UGT2A1: variants seen among roughly 807,000 people sequenced by gnomAD.
UGT2A1 encodes UDP glucuronosyltransferase family 2 member A1 complex locus.
In UGT2A1, 61 loss-of-function variants were observed where a neutral mutation model predicts 45.4. The ratio of observed to expected loss-of-function variants is 1.34; its 90% CI spans 1.09 to 1.66. The LOEUF (loss-of-function observed/expected upper bound fraction) is 1.66. UGT2A1 is among the 40% of genes most tolerant of loss of function. UGT2A1 has a pLI of 0.00. For synonymous variants in UGT2A1, 229 were observed against 196.2 expected, an observed-to-expected ratio of 1.17 and a Z score of -1.40; for missense variants, 649 against 574.3, an observed-to-expected ratio of 1.13 and a Z score of -1.33.
chr4:69,622,252 T>C (rs1289988999), intron 3 of UGT2A1, among the ~76,000 whole-genome samples: 1 of 151,566 alleles, frequency 6.6e-6, no homozygotes, highest in Non-Finnish European at 1.5e-5. Flanking sequence ...CCAAAACATA[T>C]GTCAAAATAC....
chr4:69,607,691 A>G, intron 3 of UGT2A1, among the ~76,000 whole-genome samples: 1 of 152,252 alleles, frequency 6.6e-6, no homozygotes, highest in Non-Finnish European at 1.5e-5. Context: ...GCTAATATCC[A>G]GAATCTACAA....
chr4:69,630,956 A>G (rs1721347186), intron 3 of UGT2A1, among the ~76,000 whole-genome samples: 1 of 152,132 alleles, frequency 6.6e-6, no homozygotes, highest in Non-Finnish European at 1.5e-5. Flanking sequence ...AGTTAACAAT[A>G]CTACTTAAAT....
At position 69,631,468 on chromosome 4, in the gene UGT2A1, G is replaced by A. The variant is rs537969529; in HGVS notation, c.847+4223C>T. On this transcript the variant is annotated intron_variant, in intron 3 of 6. Coordinates refer to ENST00000286604, the MANE Select transcript of UGT2A1 (RefSeq NM_001252275.3). ...AACTAAACTGAAGATTATAGCACAAGAAAGTAGGCTGTCAACAGATTTACT... is the reference window on the plus strand; with the variant it reads ...AACTAAACTGAAGATTATAGCACAAAAAAGTAGGCTGTCAACAGATTTACT... Among the ~76,000 whole-genome samples the A allele has an allele frequency of 1.8e-4, 27 of 152,202 alleles. No individual in the cohort carries two copies. The South Asian group carries it at 5.6e-3, about 32-fold the overall frequency.
chr4:69,595,238 T>A lies in UGT2A1; in HGVS notation c.1008A>T (p.Arg336Ser). 6.2e-7 allele frequency: 1 copy of A among 1,613,770 alleles called. No homozygotes were observed. The highest frequency in any genetic ancestry group is 1.3e-5 in the African/African-American group (1 of 75,024). ...PAKPLPKVLW[R>S]YKGKKPATLG... ...ATGTGGCTGGTTTCTTTCCTTTGTATCTCCATAAAACCTGTGGAAAATGGT... is the reference window on the plus strand; with the variant it reads ...ATGTGGCTGGTTTCTTTCCTTTGTAACTCCATAAAACCTGTGGAAAATGGT... The change falls in exon 5 of 7, where the codon AGA (arginine) becomes AGT (serine). Residue 336 changes from arginine (R) to serine (S), a missense_variant. By Grantham distance (110) the Arg-to-Ser change is moderately radical. Transcript: ENST00000286604.
intron 4 of UGT2A1, 140 bp downstream of exon 4, chr4:69,599,106 T>C (rs1035383422): frequency 7.8e-7 from 1 of 1,284,364 alleles, no homozygotes; most frequent in East Asian, 2.6e-5. Flanking sequence ...GTAGGAGACC[T>C]CTATCACAAG....
At chr4:69,627,581 A>T (rs542441967) in intron 3 of UGT2A1, among the ~76,000 whole-genome samples, 15 of 147,842 alleles carry the variant, frequency 1.0e-4, no homozygotes, top group Admixed American at 1.0e-3. Flanking sequence ...AAAGAGAGAA[A>T]GAAAAAAAGA....
At chr4:69,652,516 C>T (rs983163301) in intron 1 of UGT2A1, among the ~76,000 whole-genome samples, 1 of 151,818 alleles carries the variant, frequency 6.6e-6, no homozygotes, top group African/African-American at 2.4e-5. Flanking sequence ...GGTGATCCAC[C>T]CTCCTCGGCC....
intron 3 of UGT2A1, among the ~76,000 whole-genome samples, chr4:69,627,941 C>T (rs538148205): frequency 2.0e-5 from 3 of 151,784 alleles, no homozygotes; most frequent in Non-Finnish European, 2.9e-5. Context: ...ATATGTCTTA[C>T]GAATATTCAC....
chr4:69,619,696 AAAAAT>A (rs1306051967), intron 3 of UGT2A1, among the ~76,000 whole-genome samples: 1 of 152,020 alleles, frequency 6.6e-6, no homozygotes, highest in East Asian at 1.9e-4. Context: ...AAACACAACA[AAAAAT>A]AAAATAAAAT....
At chr4:69,610,396 TTGTAAC>T (rs1420277353) in intron 3 of UGT2A1, among the ~76,000 whole-genome samples, 3 of 152,168 alleles carry the variant, frequency 2.0e-5, no homozygotes, top group South Asian at 2.1e-4. Flanking sequence ...TCTTCTTGAC[TTGTAAC>T]TGTTAGGGCA....
At chr4:69,618,710 A>G (rs934078451) in intron 3 of UGT2A1, among the ~76,000 whole-genome samples, 8 of 152,010 alleles carry the variant, frequency 5.3e-5, no homozygotes, top group African/African-American at 1.9e-4. Context: ...TCTAAGTTCA[A>G]TCAATTCTAT....
rs532969800 is a variant in UGT2A1, at chr4:69,639,168, G to A, written c.716-3346C>T. 4 of 1,613,644 alleles carry A rather than the reference G, an allele frequency of 2.5e-6. No homozygotes were observed. In the Admixed American group the frequency reaches 5.0e-5, roughly 20 times the overall value. On this transcript the variant is annotated intron_variant, in intron 2 of 6. Transcript: ENST00000286604. ...ATCACCACAGATTGTTACTGGGTCT[G>A]CTACCAACACATCAAAACCACCTTT...
chr4:69,623,781 A>G (rs1158333638), intron 3 of UGT2A1, among the ~76,000 whole-genome samples: 1 of 151,502 alleles, frequency 6.6e-6, no homozygotes, highest in East Asian at 1.9e-4. Flanking sequence ...AACCTTTGAG[A>G]TAAAGGTAGA....
intron 2 of UGT2A1, 31 bp downstream of exon 2, chr4:69,646,899 T>A: frequency 6.8e-7 from 1 of 1,479,400 alleles, no homozygotes. Context: ...TTGTTCAAAT[T>A]CAAGTAATAA....
At chr4:69,607,222 T>C (rs1194627559) in intron 3 of UGT2A1, among the ~76,000 whole-genome samples, 2 of 126,800 alleles carry the variant, frequency 1.6e-5, no homozygotes, top group Non-Finnish European at 3.6e-5. Context: ...AAAACAGAGA[T>C]AAAGACCAAT....
intron 3 of UGT2A1, among the ~76,000 whole-genome samples, chr4:69,627,858 A>G (rs2109949684): frequency 6.6e-6 from 1 of 152,098 alleles, no homozygotes; most frequent in Middle Eastern, 3.4e-3. Flanking sequence ...AGACAATATT[A>G]CAGGTTAAAA....
At chr4:69,615,553 T>A (rs1720329631) in intron 3 of UGT2A1, among the ~76,000 whole-genome samples, 2 of 151,904 alleles carry the variant, frequency 1.3e-5, no homozygotes, top group Non-Finnish European at 1.5e-5. Context: ...CAAAAAGAAA[T>A]GGATAAAAGA....
chr4:69,611,113 T>TA (rs5859193), intron 3 of UGT2A1, among the ~76,000 whole-genome samples: 58,915 of 150,386 alleles, frequency 0.39, 11,920 homozygotes, highest in African/African-American at 0.47. Context: ...ATCAGTGAAG[T>TA]AAAAAAAGAA....
chr4:69,612,703 C>CAATTTACCA (rs1720136218), intron 3 of UGT2A1, among the ~76,000 whole-genome samples: 1 of 151,920 alleles, frequency 6.6e-6, no homozygotes, highest in Non-Finnish European at 1.5e-5. Context: ...CGGATTGTCA[C>CAATTTACCA]AATTTACCCT....
Sources: allele counts gnomAD v4.1 joint callset (sites outside exome capture counted in the v4.1 genomes callset), GRCh38; gene constraint gnomAD v4.1.1; transcripts MANE v1.5; gene names NCBI Gene and HGNC (gene_info 2026-07-23, HGNC 2026-07-21).